Variants in GLRA2 observed in about 807,000 individuals in gnomAD.
The protein encoded by GLRA2 is glycine receptor alpha 2, also known as glycine receptor subunit alpha-2.
In GLRA2, 11 loss-of-function variants were observed where a neutral mutation model predicts 31.6. The observed-to-expected ratio is 0.35, with a 90% CI of 0.22 to 0.58. The LOEUF (loss-of-function observed/expected upper bound fraction) is 0.58, where lower values mean the gene tolerates loss of function less well. Among genes scored for constraint, GLRA2 ranks in the 20% least tolerant of loss-of-function variants. GLRA2 has a pLI of 0.84. For missense variants in GLRA2, 212 were observed against 351.8 expected (o/e 0.60, Z 3.18); for synonymous variants, 132 against 134.0 (o/e 0.99, Z 0.10).
chrX:14,466,110 T>C, the GLRA2 span, among the ~76,000 whole-genome samples: 1 of 111,975 alleles, frequency 8.9e-6, no homozygotes, highest in Non-Finnish European at 1.9e-5. Flanking sequence ...TTCCTTTTGA[T>C]TTATGGTGTT....
At chrX:14,648,894 T>A (rs1336138056) in intron 7 of GLRA2, among the ~76,000 whole-genome samples, 1 of 111,930 alleles carries the variant, frequency 8.9e-6, no homozygotes, top group Non-Finnish European at 1.9e-5. Context: ...GCAAAATGTT[T>A]AAAAATAATG....
At chrX:14,683,729 T>G (rs1021319837) in intron 7 of GLRA2, among the ~76,000 whole-genome samples, 80 of 110,857 alleles carry the variant, frequency 7.2e-4, no homozygotes, top group Non-Finnish European at 1.3e-3. Flanking sequence ...TTGTATAAGG[T>G]GTAAGGAAGG....
At chrX:14,637,538 G>A (rs1436985503) in intron 7 of GLRA2, among the ~76,000 whole-genome samples, 1 of 112,264 alleles carries the variant, frequency 8.9e-6, no homozygotes, top group East Asian at 2.8e-4. Flanking sequence ...AATCTCCTAA[G>A]CTCTGAAAAC....
At chrX:14,565,501 C>T (rs1261345296) in intron 2 of GLRA2, among the ~76,000 whole-genome samples, 1 of 96,109 alleles carries the variant, frequency 1.0e-5, no homozygotes, top group Non-Finnish European at 2.0e-5. Flanking sequence ...TCAATATCTG[C>T]TTTATATATT....
intron 8 of GLRA2, among the ~76,000 whole-genome samples, chrX:14,721,216 A>C (rs892092129): frequency 4.5e-5 from 5 of 110,892 alleles, no homozygotes; most frequent in Non-Finnish European, 7.5e-5. Context: ...TTTCAAGATA[A>C]ACCCTGTTTT....
chrX:14,683,212 G>A (rs752874413), intron 7 of GLRA2, among the ~76,000 whole-genome samples: 32 of 111,838 alleles, frequency 2.9e-4, no homozygotes, highest in African/African-American at 9.7e-4. Flanking sequence ...TCCAGCACCT[G>A]TTGTTTCCTG....
Position 14,730,354 on chromosome X carries a change from A to T in GLRA2, c.1228A>T (p.Lys410Ter). Residue 410 changes from lysine to a stop codon, truncating the protein, a stop_gained, in exon 9 of 9, where the codon AAG (lysine) becomes TAG (stop). Transcript: ENST00000218075. LOFTEE classifies it high-confidence loss of function. ...AAAAGATGGAGATGCTATCAAGAAG[A>T]AGTTTGTGGACCGGGCAAAAAGGAT... ...PPKDGDAIKKKFVDRAKRIDT... is the reference protein window; with the variant it reads ...PPKDGDAIKK The T allele has an allele frequency of 8.3e-7, 1 of 1,210,863 alleles. No individual in the cohort carries two copies. The highest frequency in any genetic ancestry group is 1.8e-5 in the South Asian group (1 of 56,938).
chrX:14,490,060 G>C, the GLRA2 span, among the ~76,000 whole-genome samples: 1 of 110,910 alleles, frequency 9.0e-6, no homozygotes, highest in Non-Finnish European at 1.9e-5. Flanking sequence ...TCCTGATCTT[G>C]ACTCCCTTAC....
At chrX:14,524,672 A>G (rs866657991), upstream of GLRA2, among the ~76,000 whole-genome samples, 35 of 110,990 alleles carry the variant, frequency 3.2e-4, no homozygotes, top group African/African-American at 1.0e-3. Context: ...GATATATTGG[A>G]TATCTTTTGA....
intron 7 of GLRA2, among the ~76,000 whole-genome samples, chrX:14,657,023 T>G (rs2090948175): frequency 9.0e-6 from 1 of 111,708 alleles, no homozygotes; most frequent in Non-Finnish European, 1.9e-5. Flanking sequence ...AAGATCTTTC[T>G]AAGCAGACAG....
intron 8 of GLRA2, among the ~76,000 whole-genome samples, chrX:14,697,999 A>G (rs2091473783): frequency 8.9e-6 from 1 of 111,791 alleles, no homozygotes; most frequent in Non-Finnish European, 1.9e-5. Flanking sequence ...TTTGGATTAA[A>G]TTGAGTAAAT....
intron 8 of GLRA2, among the ~76,000 whole-genome samples, chrX:14,711,795 A>G (rs970037246): frequency 1.3e-4 from 15 of 112,621 alleles, no homozygotes; most frequent in Non-Finnish European, 2.8e-4. Context: ...ATTTGAAACC[A>G]GAGTTTTCGC....
rs780682383 is a variant in GLRA2, at chrX:14,620,929, C to T, written c.930+11724C>T. On this transcript the variant is annotated intron_variant, in intron 7 of 8. Transcript: ENST00000218075. Reference sequence around the variant, plus strand: ...AAATGGCCTCTCTTCCTTACTTCCACGACGCTTTCTTGCTTCCATGCCACT... The same window carrying T: ...AAATGGCCTCTCTTCCTTACTTCCATGACGCTTTCTTGCTTCCATGCCACT... Among the ~76,000 whole-genome samples the T allele has an allele frequency of 1.2e-4, 13 of 111,575 alleles. No homozygotes were observed. In the East Asian group the frequency reaches 1.4e-3, roughly 12 times the overall value.
rs760544967 is a variant in GLRA2, at chrX:14,609,151, C to T, written c.876C>T (p.Thr292=). The T allele has an allele frequency of 1.7e-6, 2 of 1,204,621 alleles. No individual in the cohort carries two copies. Among genetic ancestry groups the T allele is most frequent in the Non-Finnish European group, 2.2e-6 (2 of 889,708 alleles). Residue 292 remains threonine (T), a synonymous_variant, in exon 7 of 9, where the codon ACC becomes ACT. Coordinates refer to ENST00000218075, the MANE Select transcript of GLRA2 (RefSeq NM_002063.4). ...CTGCCAGGGTCGCACTGGGCATCAC[C>T]ACAGTCTTAACGATGACCACCCAGA... ...AAPARVALGI[T]TVLTMTTQSS...
chrX:14,470,062 A>G, the GLRA2 span, among the ~76,000 whole-genome samples: 1 of 111,444 alleles, frequency 9.0e-6, no homozygotes, highest in South Asian at 3.7e-4. Context: ...CAAAAATTGA[A>G]GTATTTTCTG....
chrX:14,637,499 G>A (rs766963703), intron 7 of GLRA2, among the ~76,000 whole-genome samples: 111 of 111,930 alleles, frequency 9.9e-4, no homozygotes, highest in Non-Finnish European at 1.6e-3. Flanking sequence ...AAAATATGCA[G>A]GTCTAAAATC....
In GLRA2 at chrX:14,601,958, C is replaced by T. The variant is rs3027383; in HGVS notation, c.495-2357C>T. On this transcript the variant is annotated intron_variant, in intron 4 of 8. Transcript: ENST00000218075. ...TGAAGCAGTCAACTTTAGAAAAATA[C>T]GGATTGTAGTATTAGGATCAAATGA... 2.0e-3 allele frequency among the ~76,000 whole-genome samples: 226 copies of T among 111,485 alleles called. 2 individuals carry two copies. The highest frequency in any genetic ancestry group is 3.6e-3 in the Non-Finnish European group (188 of 52,905).
intron 8 of GLRA2, among the ~76,000 whole-genome samples, chrX:14,702,913 G>T (rs994360629): frequency 9.2e-4 from 103 of 111,446 alleles, no homozygotes; most frequent in African/African-American, 3.2e-3. Context: ...AGGACAAGGG[G>T]ACTCCCAGTG....
chrX:14,719,434 C>T (rs1425703594), intron 8 of GLRA2, among the ~76,000 whole-genome samples: 1 of 111,564 alleles, frequency 9.0e-6, no homozygotes, highest in Non-Finnish European at 1.9e-5. Context: ...TACAAATGAC[C>T]AACAGGTATA....
Sources: gnomAD v4.1 joint callset for allele counts (sites outside exome capture counted in the v4.1 genomes callset) on GRCh38, gnomAD v4.1.1 for gene constraint, MANE v1.5 for transcripts, NCBI Gene and HGNC (gene_info 2026-07-23, HGNC 2026-07-21) for gene names.